The following KLHL29 variants were observed in gnomAD, a reference collection of about 807,000 sequenced individuals.
The protein encoded by KLHL29 is kelch like family member 29.
In KLHL29, 21 loss-of-function variants were observed where a neutral mutation model predicts 80.4. The ratio of observed to expected loss-of-function variants is 0.26; its 90% CI spans 0.19 to 0.38. The LOEUF is 0.38. Ranked by LOEUF, KLHL29 falls within the 10% of genes least tolerant of loss-of-function variation. KLHL29 has a pLI of 1.00. For synonymous variants in KLHL29, 511 were observed against 526.8 expected (o/e 0.97, Z 0.41); for missense variants, 867 against 1,223.9 (o/e 0.71, Z 4.35).
chr2:23,478,823 C>T (rs551798396), intron 2 of KLHL29, among the ~76,000 whole-genome samples: 3 of 152,080 alleles, frequency 2.0e-5, no homozygotes, highest in African/African-American at 4.8e-5. Flanking sequence ...CCCTAGATGC[C>T]GCCTGTGTCT....
At chr2:23,575,113 C>T (rs549506629) in intron 3 of KLHL29, among the ~76,000 whole-genome samples, 2 of 152,174 alleles carry the variant, frequency 1.3e-5, no homozygotes, top group East Asian at 1.9e-4. Flanking sequence ...TCTGCAGGCT[C>T]GGAGCTGCCT....
intron 2 of KLHL29, among the ~76,000 whole-genome samples, chr2:23,552,761 C>CTTTTTTTTTTTTTCTTTTTTTTTTTTTTT (rs1667161356): frequency 1.0e-5 from 1 of 95,576 alleles, no homozygotes; most frequent in Non-Finnish European, 1.9e-5. Context: ...GGTTTCTTTT[C>CTTTTTTTTTTTTTCTTTTTTTTTTTTTTT]TTTTTTTTTT....
chr2:23,668,983 T>C (rs1235474192), intron 5 of KLHL29: 3 of 152,416 alleles, frequency 2.0e-5, no homozygotes, highest in Non-Finnish European at 4.4e-5. Flanking sequence ...GAGGCTGAGC[T>C]GAGCAGGAAG....
At chr2:23,649,184 T>C (rs1670020426) in intron 5 of KLHL29, among the ~76,000 whole-genome samples, 1 of 152,186 alleles carries the variant, frequency 6.6e-6, no homozygotes, top group Admixed American at 6.5e-5. Flanking sequence ...GCTCACAACA[T>C]GGATCTGAAA....
chr2:23,442,333 T>G (rs974690874), intron 1 of KLHL29, among the ~76,000 whole-genome samples: 1 of 152,076 alleles, frequency 6.6e-6, no homozygotes, highest in African/African-American at 2.4e-5. Flanking sequence ...GCTCAAGTGA[T>G]CCTCCCATCT....
At chr2:23,617,244 A>G (rs1215940316) in intron 3 of KLHL29, 1 of 152,228 alleles carries the variant, frequency 6.6e-6, no homozygotes, top group Admixed American at 6.5e-5. Flanking sequence ...CACCAGGCAG[A>G]GAAGCTTCCC....
intron 11 of KLHL29, among the ~76,000 whole-genome samples, chr2:23,698,638 A>G (rs899257154): frequency 4.6e-5 from 7 of 152,210 alleles, no homozygotes; most frequent in African/African-American, 1.7e-4. Context: ...CAACAGCACA[A>G]TAGACAAACC....
intron 3 of KLHL29, among the ~76,000 whole-genome samples, chr2:23,609,819 C>G (rs913713117): frequency 1.3e-5 from 2 of 152,104 alleles, no homozygotes; most frequent in African/African-American, 2.4e-5. Context: ...GAAACCCAGA[C>G]ACAAAGAGAT....
chr2:23,683,311 G>A (rs1428013574), intron 5 of KLHL29, among the ~76,000 whole-genome samples: 2 of 152,240 alleles, frequency 1.3e-5, no homozygotes, highest in Non-Finnish European at 2.9e-5. Flanking sequence ...GACAGTCTAG[G>A]TCATTCTGGC....
At chr2:23,386,672 C>A (rs1666190896) in intron 1 of KLHL29, among the ~76,000 whole-genome samples, 1 of 152,102 alleles carries the variant, frequency 6.6e-6, no homozygotes, top group Non-Finnish European at 1.5e-5. Flanking sequence ...TGGCCTGGAG[C>A]GGGCTGAGAG....
In KLHL29 at chr2:23,561,163, C is replaced by T. The variant is rs1046430597; in HGVS notation, c.-45-989C>T. Among the ~76,000 whole-genome samples, 4 of 152,354 alleles carry T rather than the reference C, an allele frequency of 2.6e-5. No individual in the cohort carries two copies. The East Asian group carries it at 7.7e-4, about 29-fold the overall frequency. On this transcript the variant is annotated intron_variant, in intron 2 of 13. Transcript: ENST00000486442. Reference sequence around the variant, plus strand: ...ACTTGTGCCCTGGCACTGCCATGCCCTCTCCCCTCTGTCTCTGCCTCTCCA... The same window carrying T: ...ACTTGTGCCCTGGCACTGCCATGCCTTCTCCCCTCTGTCTCTGCCTCTCCA...
chr2:23,580,425 C>T (rs1162562880), intron 3 of KLHL29, among the ~76,000 whole-genome samples: 1 of 121,912 alleles, frequency 8.2e-6, no homozygotes, highest in East Asian at 2.7e-4. Context: ...CCTGTAATCC[C>T]AGTGCTTTAG....
chr2:23,599,487 T>C (rs1334646811), intron 3 of KLHL29, among the ~76,000 whole-genome samples: 1 of 151,246 alleles, frequency 6.6e-6, no homozygotes, highest in Non-Finnish European at 1.5e-5. Context: ...ATATACCTAA[T>C]ATAATGAAAT....
intron 3 of KLHL29, among the ~76,000 whole-genome samples, chr2:23,610,235 C>T (rs1303327164): frequency 6.6e-6 from 1 of 152,166 alleles, no homozygotes; most frequent in Non-Finnish European, 1.5e-5. Context: ...CATGGCCAGG[C>T]CTCAGCTCCA....
intron 2 of KLHL29, among the ~76,000 whole-genome samples, chr2:23,545,162 G>T (rs1312218568): frequency 6.6e-6 from 1 of 152,196 alleles, no homozygotes; most frequent in Non-Finnish European, 1.5e-5. Flanking sequence ...AGCCGAGGAG[G>T]CTGAATGTAT....
chr2:23,550,304 G>A (rs1032519223), intron 2 of KLHL29, among the ~76,000 whole-genome samples: 1 of 152,124 alleles, frequency 6.6e-6, no homozygotes, highest in Non-Finnish European at 1.5e-5. Context: ...TCATGGAGTG[G>A]AGCGCCAGAA....
chr2:23,594,729 T>C (rs1165895624), intron 3 of KLHL29, among the ~76,000 whole-genome samples: 1 of 152,198 alleles, frequency 6.6e-6, no homozygotes, highest in Non-Finnish European at 1.5e-5. Context: ...TCTGTTGTTC[T>C]TTGACTTTTC....
At chr2:23,550,243 G>T (rs571983220) in intron 2 of KLHL29, among the ~76,000 whole-genome samples, 1 of 152,224 alleles carries the variant, frequency 6.6e-6, no homozygotes, top group Admixed American at 6.5e-5. Context: ...TTAACCCAAG[G>T]GCATGCCTGG....
intron 2 of KLHL29, among the ~76,000 whole-genome samples, chr2:23,542,560 C>A (rs1048441088): frequency 6.6e-6 from 1 of 152,234 alleles, no homozygotes; most frequent in Non-Finnish European, 1.5e-5. Context: ...TTGACCTTTT[C>A]TGCAAAGCAC....
Sources: allele counts gnomAD v4.1 joint callset (sites outside exome capture counted in the v4.1 genomes callset), GRCh38; gene constraint gnomAD v4.1.1; transcripts MANE v1.5; gene names NCBI Gene and HGNC (gene_info 2026-07-23, HGNC 2026-07-21).